EHMT1: variants seen among roughly 807,000 people sequenced by gnomAD.
EHMT1 encodes the protein euchromatic histone lysine methyltransferase 1.
Under a neutral mutation model 147.2 loss-of-function variants are expected in EHMT1, and 15 were observed. The observed-to-expected ratio is 0.10, with a 90% CI of 0.07 to 0.16. EHMT1 has a LOEUF of 0.16. EHMT1 is among the 10% of genes least tolerant of loss of function. The pLI is 1.00. For synonymous variants in EHMT1, 795 were observed against 709.6 expected (o/e 1.12, Z -1.91); for missense variants, 1,587 against 1,772.4 (o/e 0.90, Z 1.88).
intron 1 of EHMT1, among the ~76,000 whole-genome samples, chr9:137,656,564 C>T (rs143173208): frequency 7.9e-5 from 12 of 152,240 alleles, no homozygotes; most frequent in Admixed American, 3.9e-4. Context: ...TGCTGGGCTT[C>T]GCTTTCTTGA....
At chr9:137,703,182 C>T (rs1943980689) in intron 1 of EHMT1, among the ~76,000 whole-genome samples, 1 of 152,218 alleles carries the variant, frequency 6.6e-6, no homozygotes. Context: ...GTCTGGCCCA[C>T]AAAACCATTC....
In EHMT1 at chr9:137,811,441, T is replaced by C; in HGVS notation, c.2713-20T>C. On this transcript the variant is annotated intron_variant, in intron 18 of 26. Transcript: ENST00000460843. ...AGCCAGCAGGAAGCCTGCACTGAGC[T>C]CTGGCTTGTGTCTGTTCAGGAGGAG... 6.2e-7 allele frequency: 1 copy of C among 1,611,774 alleles called. No homozygotes were observed.
chr9:137,745,323 A>G (rs1337240671), intron 6 of EHMT1: 3 of 381,790 alleles, frequency 7.9e-6, no homozygotes, highest in African/African-American at 4.1e-5. Context: ...CATTTTTAGC[A>G]TGTTTTAGGG....
chr9:137,776,395 C>A lies in EHMT1; in HGVS notation c.1792-223C>A. ...GGTGGGTTGGAGGCAGCCAAGTGAC[C>A]TCTGTCTGGCTTCAGCTTCTTCTCT... is the stretch of plus-strand genomic sequence containing the variant. On this transcript the variant is annotated intron_variant, in intron 11 of 26. Coordinates refer to ENST00000460843, the MANE Select transcript of EHMT1 (RefSeq NM_024757.5). This position sits in a 1 kb window ranked among gnomAD's most constrained non-coding sequence, Gnocchi z 4.4. 2.0e-6 allele frequency: 1 copy of A among 498,594 alleles called. No individual in the cohort carries two copies. Among genetic ancestry groups the A allele is most frequent in the East Asian group, 3.8e-5 (1 of 26,392 alleles). 30.9% of individuals were successfully genotyped at this position (498,594 alleles called of 1,614,324 possible). A position where few individuals can be genotyped will look rare whatever the true frequency, so the allele number is the denominator to read the frequency against.
Position 137,828,021 on chromosome 9 carries a change from C to A in EHMT1, c.3541-6328C>A, listed in dbSNP as rs776601525. Among the ~76,000 whole-genome samples, 1 of 152,168 alleles carries A rather than the reference C, an allele frequency of 6.6e-6. No individual in the cohort carries two copies. Among genetic ancestry groups the A allele is most frequent in the African/African-American group, 2.4e-5 (1 of 41,446 alleles). The stretch of plus-strand genomic sequence containing the variant: ...GTGTGAAGGGGCTCCTTGTGCCAGC[C>A]GACAGGGTGCGACGGGGTGGTCGGC... On this transcript the variant is annotated intron_variant, in intron 25 of 26. Coordinates refer to ENST00000460843, the MANE Select transcript of EHMT1 (RefSeq NM_024757.5). This position sits in a 1 kb window ranked among gnomAD's most constrained non-coding sequence, Gnocchi z 5.3.
rs775451150 is a variant in EHMT1, at chr9:137,778,029, C to T, written c.2166C>T (p.Ser722=). Residue 722 remains serine (S), a synonymous_variant, in exon 13 of 27, where the codon AGC becomes AGT. Transcript: ENST00000460843. Reference sequence around the variant, plus strand: ...GACCAGGGAAGGAAACCTTGGAGAGCGCTCTCATCGCCCTCGACTCGGAAA... The same window carrying T: ...GACCAGGGAAGGAAACCTTGGAGAGTGCTCTCATCGCCCTCGACTCGGAAA... ...SQGPGKETLE[S]ALIALDSEKP... is the part of the protein sequence containing the mutation. 2.7e-5 allele frequency: 44 copies of T among 1,613,722 alleles called. No individual in the cohort carries two copies. The Middle Eastern group carries it at 4.9e-4, about 18-fold the overall frequency.
At chr9:137,710,433 A>G (rs1433327716) in intron 1 of EHMT1, among the ~76,000 whole-genome samples, 2 of 152,238 alleles carry the variant, frequency 1.3e-5, no homozygotes, top group Non-Finnish European at 2.9e-5. Context: ...AGATCGCGCC[A>G]CTGTACTCCA....
intron 1 of EHMT1, among the ~76,000 whole-genome samples, chr9:137,673,603 C>G (rs990401793): frequency 6.6e-6 from 1 of 152,166 alleles, no homozygotes; most frequent in Non-Finnish European, 1.5e-5. Flanking sequence ...CACTCCCAGC[C>G]TGTGCTTTAC....
At chr9:137,754,108 G>A in intron 7 of EHMT1, 63 bp from the exon 8 acceptor site, 2 of 1,612,052 alleles carry the variant, frequency 1.2e-6, no homozygotes, top group Non-Finnish European at 1.7e-6. Context: ...CACTTGTAGT[G>A]CTCTTGCCTT....
chr9:137,809,466 G>T (rs1305028297), intron 18 of EHMT1, among the ~76,000 whole-genome samples: 1 of 152,198 alleles, frequency 6.6e-6, no homozygotes, highest in African/African-American at 2.4e-5. Context: ...CAGAGCCTGC[G>T]GGGTGGAGAC....
In EHMT1 at chr9:137,800,826, T is replaced by C. The variant is rs776994926; in HGVS notation, c.2608-54T>C. On this transcript the variant is annotated intron_variant, in intron 17 of 26. Transcript: ENST00000460843. Reference sequence around the variant, plus strand: ...ACCTCGGCGTGGGAGTCCTCATTGCTCTGGTGGTTGCCGGTCTCTGGAGCG... The same window carrying C: ...ACCTCGGCGTGGGAGTCCTCATTGCCCTGGTGGTTGCCGGTCTCTGGAGCG... 1.2e-5 allele frequency: 19 copies of C among 1,545,698 alleles called. No homozygotes were observed. The Admixed American group carries it at 2.5e-4, about 20-fold the overall frequency.
At chr9:137,741,723 T>A (rs1251517167) in intron 4 of EHMT1, among the ~76,000 whole-genome samples, 1 of 152,154 alleles carries the variant, frequency 6.6e-6, no homozygotes, top group Non-Finnish European at 1.5e-5. Flanking sequence ...CTGTGTAATA[T>A]GAAAAGTTGG....
chr9:137,747,657 C>T (rs1416975990), intron 6 of EHMT1: 1 of 152,166 alleles, frequency 6.6e-6, no homozygotes, highest in African/African-American at 2.4e-5. Context: ...AAAGTTCAGT[C>T]CGCTTTCTGT....
intron 10 of EHMT1, chr9:137,764,886 GCTCATAA>G (rs1459192772): frequency 6.6e-6 from 1 of 152,144 alleles, no homozygotes; most frequent in Non-Finnish European, 1.5e-5. Context: ...TCTGGACTTA[GCTCATAA>G]CTTTCTTGTG....
chr9:137,728,469 T>A lies in EHMT1; in HGVS notation c.763T>A (p.Ser255Thr). The change falls in exon 4 of 27, where the codon TCC becomes ACC. Residue 255 changes from serine (S) to threonine (T), a missense_variant. This residue lies in a region of EHMT1 where 810 missense variants were observed against 673.0 expected (regional missense o/e 1.20). Coordinates refer to ENST00000460843, the MANE Select transcript of EHMT1 (RefSeq NM_024757.5). ...ACAGCAGCTTTTACCCCCCTTCCCA[T>A]CCCTTCATCAGTCGCTACCTCAGAA... The part of the protein sequence containing the change: ...GRQQLLPPFP[S>T]LHQSLPQNQC... 1.2e-6 allele frequency: 2 copies of A among 1,613,984 alleles called. No homozygotes were observed. Among genetic ancestry groups the A allele is most frequent in the Non-Finnish European group, 1.7e-6 (2 of 1,179,944 alleles).
intron 1 of EHMT1, among the ~76,000 whole-genome samples, chr9:137,628,437 T>G (rs1183131254): frequency 1.3e-5 from 2 of 152,342 alleles, no homozygotes; most frequent in South Asian, 2.1e-4. Flanking sequence ...AATTTTTAAT[T>G]ACACAATATA....
intron 2 of EHMT1, among the ~76,000 whole-genome samples, chr9:137,714,857 C>G (rs1318258522): frequency 1.3e-5 from 2 of 152,192 alleles, no homozygotes; most frequent in East Asian, 3.9e-4. Flanking sequence ...CTTATAGATT[C>G]AATTTGAGGG....
At chr9:137,817,382 A>G in intron 23 of EHMT1, 57 bp from the exon 24 acceptor site, 1 of 1,604,118 alleles carries the variant, frequency 6.2e-7, no homozygotes, top group South Asian at 1.1e-5. Context: ...TTTGCTGACC[A>G]TTGTGGCAAC....
At chr9:137,759,776 G>A (rs10867060) in intron 9 of EHMT1, among the ~76,000 whole-genome samples, 42,632 of 151,994 alleles carry the variant, frequency 0.28, 6,450 homozygotes, top group Admixed American at 0.41. Flanking sequence ...CGTGTGGCCC[G>A]GGACCCCAGA....
Sources: allele counts gnomAD v4.1 joint callset (sites outside exome capture counted in the v4.1 genomes callset), GRCh38; gene constraint gnomAD v4.1.1; regional missense constraint gnomAD v4.1.1; non-coding constraint Gnocchi (gnomAD v3.1); transcripts MANE v1.5; gene names NCBI Gene and HGNC (gene_info 2026-07-23, HGNC 2026-07-21).